The following ST6GALNAC3 variants were observed in gnomAD, a reference collection of about 807,000 sequenced individuals.
ST6GALNAC3 encodes ST6 N-acetylgalactosaminide alpha-2,6-sialyltransferase 3.
A neutral mutation model predicts 32.7 loss-of-function variants in ST6GALNAC3; 25 were observed. That is an observed-to-expected ratio of 0.76 (90% CI 0.56 to 1.07). The LOEUF (loss-of-function observed/expected upper bound fraction) is 1.07. Among genes scored for constraint, ST6GALNAC3 ranks in the 50% least tolerant of loss-of-function variants. The pLI, the probability that ST6GALNAC3 is intolerant of heterozygous loss-of-function variation, is 0.00. For synonymous variants in ST6GALNAC3, 129 were observed against 133.1 expected, an observed-to-expected ratio of 0.97 and a Z score of 0.21; for missense variants, 355 against 382.4, an observed-to-expected ratio of 0.93 and a Z score of 0.60.
chr1:76,607,794 A>G (rs1647658843), intron 3 of ST6GALNAC3, among the ~76,000 whole-genome samples: 1 of 152,144 alleles, frequency 6.6e-6, no homozygotes, highest in African/African-American at 2.4e-5. Context: ...CCCACCCCGT[A>G]GCCCAGTACC....
chr1:76,089,102 C>A (rs1647005146), intron 1 of ST6GALNAC3, among the ~76,000 whole-genome samples: 1 of 152,206 alleles, frequency 6.6e-6, no homozygotes, highest in South Asian at 2.1e-4. Flanking sequence ...AATCTTGGTT[C>A]ACTGCAAGCT....
chr1:76,152,146 C>T (rs537255205), intron 1 of ST6GALNAC3, among the ~76,000 whole-genome samples: 12 of 152,192 alleles, frequency 7.9e-5, no homozygotes, highest in African/African-American at 1.7e-4. Context: ...AATGGCTGAG[C>T]GTGTAAATAA....
At chr1:76,621,055 T>G (rs1196482867) in intron 3 of ST6GALNAC3, among the ~76,000 whole-genome samples, 2 of 152,122 alleles carry the variant, frequency 1.3e-5, no homozygotes, top group Non-Finnish European at 2.9e-5. Flanking sequence ...ATCATACCAT[T>G]GGGAGCTGTA....
chr1:76,450,751 G>A (rs1657335276), intron 3 of ST6GALNAC3, among the ~76,000 whole-genome samples: 1 of 152,122 alleles, frequency 6.6e-6, no homozygotes, highest in Non-Finnish European at 1.5e-5. Context: ...TGAGGATCCA[G>A]TTTCATTCTT....
At position 76,509,036 on chromosome 1, in the gene ST6GALNAC3, A is replaced by G. The variant is rs1661664175; in HGVS notation, c.623+96619A>G. 6.6e-6 allele frequency among the ~76,000 whole-genome samples: 1 copy of G among 152,198 alleles called. No individual in the cohort carries two copies. Among genetic ancestry groups the G allele is most frequent in the African/African-American group, 2.4e-5 (1 of 41,456 alleles). Reference sequence around the variant, plus strand: ...CTGGGATGCTTCTAACATGAGTCTAAGAGTTGAACAGCTTGTCATTTTTCA... The same window carrying G: ...CTGGGATGCTTCTAACATGAGTCTAGGAGTTGAACAGCTTGTCATTTTTCA... On this transcript the variant is annotated intron_variant, in intron 3 of 4. Transcript: ENST00000328299. This position sits in a 1 kb window ranked among gnomAD's most constrained non-coding sequence, Gnocchi z 5.5.
chr1:76,568,397 A>T (rs1455838740), intron 3 of ST6GALNAC3, among the ~76,000 whole-genome samples: 1 of 152,144 alleles, frequency 6.6e-6, no homozygotes, highest in Non-Finnish European at 1.5e-5. Flanking sequence ...TATCTACAGA[A>T]ATGTTCAGAA....
intron 2 of ST6GALNAC3, among the ~76,000 whole-genome samples, chr1:76,332,725 T>C (rs1164478442): frequency 6.6e-6 from 1 of 152,180 alleles, no homozygotes; most frequent in Non-Finnish European, 1.5e-5. Context: ...CAGGCCCCTC[T>C]CTCATTGCGC....
intron 1 of ST6GALNAC3, among the ~76,000 whole-genome samples, chr1:76,115,983 G>T (rs1648442667): frequency 6.6e-6 from 1 of 152,216 alleles, no homozygotes; most frequent in Non-Finnish European, 1.5e-5. Flanking sequence ...AAACTGGAGA[G>T]ATAGGCTCTG....
chr1:76,075,711 G>GTTT (rs11410196), intron 1 of ST6GALNAC3, among the ~76,000 whole-genome samples: 1 of 145,886 alleles, frequency 6.9e-6, no homozygotes. Flanking sequence ...CCCTGCCCTC[G>GTTT]TTTTTTTTTT....
At chr1:76,402,716 G>A (rs1423052167) in intron 2 of ST6GALNAC3, among the ~76,000 whole-genome samples, 5 of 151,948 alleles carry the variant, frequency 3.3e-5, no homozygotes, top group Admixed American at 6.6e-5. Flanking sequence ...ACTGTAACTC[G>A]AAGTACCCTA....
chr1:76,204,221 G>C (rs1474656153), intron 1 of ST6GALNAC3, among the ~76,000 whole-genome samples: 2 of 152,078 alleles, frequency 1.3e-5, no homozygotes, highest in Admixed American at 6.6e-5. Context: ...GGCTGCAAAT[G>C]CCTGAGTTAT....
chr1:76,261,647 A>G (rs1219293253), intron 1 of ST6GALNAC3, among the ~76,000 whole-genome samples: 1 of 152,230 alleles, frequency 6.6e-6, no homozygotes, highest in Admixed American at 6.5e-5. Context: ...AATAATGTGC[A>G]TGCAGGGCTG....
At chr1:76,401,371 A>C (rs919920223) in intron 2 of ST6GALNAC3, among the ~76,000 whole-genome samples, 1 of 152,266 alleles carries the variant, frequency 6.6e-6, no homozygotes, top group South Asian at 2.1e-4. Flanking sequence ...ACTATTTTAC[A>C]TATCTGCTCC....
chr1:76,577,189 T>C (rs1570344411), intron 3 of ST6GALNAC3: 1 of 1,017,412 alleles, frequency 9.8e-7, no homozygotes, highest in Non-Finnish European at 1.2e-6. Flanking sequence ...TTTGTCTTTA[T>C]TAAATCTTAT....
At position 76,379,699 on chromosome 1, in the gene ST6GALNAC3, A is replaced by G. The variant is rs528729238; in HGVS notation, c.214-32309A>G. Among the ~76,000 whole-genome samples the G allele has an allele frequency of 2.6e-5, 4 of 152,286 alleles. No homozygotes were observed. The South Asian group carries it at 8.3e-4, about 32-fold the overall frequency. Reference sequence around the variant, plus strand: ...CTCCCAGAAAGTGGTCAAATTTGGCATCTGAGACCTGAGAGTGGCCTCCTG... The same window carrying G: ...CTCCCAGAAAGTGGTCAAATTTGGCGTCTGAGACCTGAGAGTGGCCTCCTG... On this transcript the variant is annotated intron_variant, in intron 2 of 4. Coordinates refer to ENST00000328299, the MANE Select transcript of ST6GALNAC3 (RefSeq NM_152996.4).
chr1:76,614,718 C>CAAAAAAAAAAAAAAA (rs55744575), intron 3 of ST6GALNAC3, among the ~76,000 whole-genome samples: 6 of 67,522 alleles, frequency 8.9e-5, no homozygotes, highest in African/African-American at 2.0e-4. Flanking sequence ...GACTCCATCT[C>CAAAAAAAAAAAAAAA]AAAAAAAAAA....
At chr1:76,114,720 C>A (rs528709209) in intron 1 of ST6GALNAC3, among the ~76,000 whole-genome samples, 10 of 152,026 alleles carry the variant, frequency 6.6e-5, no homozygotes, top group Middle Eastern at 3.4e-3. Flanking sequence ...ACCAGCCTGG[C>A]CAACGTGGTG....
At chr1:76,228,848 A>C (rs1404934806) in intron 1 of ST6GALNAC3, among the ~76,000 whole-genome samples, 1 of 152,234 alleles carries the variant, frequency 6.6e-6, no homozygotes, top group African/African-American at 2.4e-5. Flanking sequence ...CAACATAAAC[A>C]ACGGTTTCTG....
intron 1 of ST6GALNAC3, among the ~76,000 whole-genome samples, chr1:76,254,270 GA>G (rs1253588464): frequency 6.6e-6 from 1 of 152,070 alleles, no homozygotes; most frequent in Non-Finnish European, 1.5e-5. Flanking sequence ...CTCTGAGAAG[GA>G]AACGAGTGTT....
Sources: allele counts gnomAD v4.1 joint callset (sites outside exome capture counted in the v4.1 genomes callset), GRCh38; gene constraint gnomAD v4.1.1; non-coding constraint Gnocchi (gnomAD v3.1); transcripts MANE v1.5; gene names NCBI Gene and HGNC (gene_info 2026-07-23, HGNC 2026-07-21).